SMCO2: variants seen among roughly 807,000 people sequenced by gnomAD.
The protein encoded by SMCO2 is single-pass membrane protein with coiled-coil domains 2.
In SMCO2, 25 loss-of-function variants were observed where a neutral mutation model predicts 29.5. The observed-to-expected ratio is 0.85, with a 90% CI of 0.62 to 1.18. The LOEUF is 1.18. Ranked by LOEUF, SMCO2 falls within the 50% of genes most tolerant of loss-of-function variation. The probability of loss-of-function intolerance (pLI) is 0.00; values close to 1 mark genes in which losing one functional copy is unlikely to be tolerated. For synonymous variants in SMCO2, 117 were observed against 123.3 expected, an observed-to-expected ratio of 0.95 and a Z score of 0.34; for missense variants, 348 against 344.5, an observed-to-expected ratio of 1.01 and a Z score of -0.08.
At chr12:27,441,426 G>A in the SMCO2 span, among the ~76,000 whole-genome samples, 4 of 152,210 alleles carry the variant, frequency 2.6e-5, no homozygotes, top group African/African-American at 9.6e-5. Flanking sequence ...AAACAAGCAT[G>A]ACTAACTATA....
chr12:27,491,304 T>C (rs1487599411), intron 5 of SMCO2, among the ~76,000 whole-genome samples: 1 of 152,116 alleles, frequency 6.6e-6, no homozygotes, highest in East Asian at 1.9e-4. Flanking sequence ...AGGTGGCCTT[T>C]GGGTGTTATT....
chr12:27,470,721 T>G, exon 2 of SMCO2: 3 of 1,551,090 alleles, frequency 1.9e-6, no homozygotes, highest in Non-Finnish European at 2.6e-6. Flanking sequence ...AGAAAAACAA[T>G]GGCTTTTTCC....
chr12:27,483,868 C>T (rs1949665676), intron 4 of SMCO2, among the ~76,000 whole-genome samples: 1 of 152,118 alleles, frequency 6.6e-6, no homozygotes, highest in South Asian at 2.1e-4. Context: ...CTACTGTTGG[C>T]GTACATCTTA....
intron 2 of SMCO2, among the ~76,000 whole-genome samples, chr12:27,472,423 A>G (rs1411717627): frequency 6.6e-6 from 1 of 152,176 alleles, no homozygotes; most frequent in Admixed American, 6.6e-5. Context: ...TTTAAACCAC[A>G]TAAGGTTTTT....
chr12:27,435,524 C>CCTCTCT, the SMCO2 span, among the ~76,000 whole-genome samples: 1 of 142,032 alleles, frequency 7.0e-6, no homozygotes, highest in African/African-American at 2.7e-5. Flanking sequence ...TGCTTTGTTA[C>CCTCTCT]CTCTCTCTCT....
At chr12:27,494,641 T>C (rs573805528) in intron 6 of SMCO2, among the ~76,000 whole-genome samples, 11 of 152,146 alleles carry the variant, frequency 7.2e-5, no homozygotes, top group Admixed American at 7.2e-4. Flanking sequence ...TTTCTGCTAA[T>C]ACCATCCCTC....
At chr12:27,449,648 G>A in the SMCO2 span, among the ~76,000 whole-genome samples, 1 of 152,176 alleles carries the variant, frequency 6.6e-6, no homozygotes, top group African/African-American at 2.4e-5. Flanking sequence ...TTCTCATCTG[G>A]TCCCTTGAAG....
the SMCO2 span, among the ~76,000 whole-genome samples, chr12:27,425,772 A>T: frequency 6.6e-6 from 1 of 152,086 alleles, no homozygotes; most frequent in African/African-American, 2.4e-5. Context: ...GTGTGGTTGC[A>T]GTATCTACAC....
At chr12:27,483,270 GT>G (rs1949661032) in intron 4 of SMCO2, among the ~76,000 whole-genome samples, 1 of 152,092 alleles carries the variant, frequency 6.6e-6, no homozygotes, top group South Asian at 2.1e-4. Context: ...AACTGTAACT[GT>G]AGATATGTCT....
intron 7 of SMCO2, among the ~76,000 whole-genome samples, chr12:27,499,649 A>G (rs1943054281): frequency 6.6e-6 from 1 of 150,892 alleles, no homozygotes; most frequent in Non-Finnish European, 1.5e-5. Context: ...CCTTTCACGT[A>G]TCGCTTTATT....
At chr12:27,453,853 A>G in the SMCO2 span, among the ~76,000 whole-genome samples, 6,899 of 152,326 alleles carry the variant, frequency 0.045, 218 homozygotes, top group Middle Eastern at 0.088. Context: ...GACTTGCCAA[A>G]CTTATTGCAA....
At chr12:27,438,837 C>G in the SMCO2 span, among the ~76,000 whole-genome samples, 1 of 131,306 alleles carries the variant, frequency 7.6e-6, no homozygotes, top group East Asian at 2.3e-4. Context: ...CAGCAACAAA[C>G]CAGAGCTCAA....
At chr12:27,454,548 C>T in the SMCO2 span, among the ~76,000 whole-genome samples, 9 of 152,202 alleles carry the variant, frequency 5.9e-5, no homozygotes, top group East Asian at 1.7e-3. Context: ...TGCTTAATTC[C>T]TATTTTCTAT....
At chr12:27,426,557 C>G in the SMCO2 span, among the ~76,000 whole-genome samples, 1,126 of 152,242 alleles carry the variant, frequency 7.4e-3, 15 homozygotes, top group African/African-American at 0.025. Flanking sequence ...ATGTAAAGTG[C>G]TTACACATTG....
chr12:27,501,969 A>G, exon 8 of SMCO2: 1 of 1,546,984 alleles, frequency 6.5e-7, no homozygotes, highest in Non-Finnish European at 8.7e-7. Flanking sequence ...CCTCACCGTC[A>G]CTGGACTTTT....
At chr12:27,470,831 C>T (rs556126313) in intron 2 of SMCO2, 66 bp downstream of exon 2, 53 of 1,501,946 alleles carry the variant, frequency 3.5e-5, no homozygotes, top group African/African-American at 1.1e-4. Flanking sequence ...CTTGGGCCAG[C>T]GGTATGCAAA....
At chr12:27,471,894 T>C (rs982336922) in intron 2 of SMCO2, among the ~76,000 whole-genome samples, 1 of 152,214 alleles carries the variant, frequency 6.6e-6, no homozygotes, top group Non-Finnish European at 1.5e-5. Context: ...AAATTTAGAA[T>C]ATACATATCT....
At chr12:27,433,197 A>T in the SMCO2 span, among the ~76,000 whole-genome samples, 2 of 152,282 alleles carry the variant, frequency 1.3e-5, no homozygotes, top group African/African-American at 2.4e-5. Flanking sequence ...TGTGTATGCT[A>T]GCATTTTCAG....
upstream of SMCO2, among the ~76,000 whole-genome samples, chr12:27,464,716 CAAAAAAA>C (rs767874837): frequency 8.7e-5 from 4 of 46,130 alleles, no homozygotes; most frequent in African/African-American, 3.6e-4. Flanking sequence ...GACCCTGTCT[CAAAAAAA>C]AAAAAAAAAA....
Sources: allele counts gnomAD v4.1 joint callset (sites outside exome capture counted in the v4.1 genomes callset), GRCh38; gene constraint gnomAD v4.1.1; transcripts MANE v1.5; gene names NCBI Gene and HGNC (gene_info 2026-07-23, HGNC 2026-07-21).